The following PPP2R2B variants were observed in gnomAD, a reference collection of about 807,000 sequenced individuals.
PPP2R2B encodes serine/threonine-protein phosphatase 2A 55 kDa regulatory subunit B beta isoform.
Under a neutral mutation model 46.0 loss-of-function variants are expected in PPP2R2B, and 5 were observed. That is an observed-to-expected ratio of 0.11 (90% CI 0.06 to 0.23). The LOEUF is 0.23. Among genes scored for constraint, PPP2R2B ranks in the 10% least tolerant of loss-of-function variants. The pLI is 1.00. For synonymous variants in PPP2R2B, 215 were observed against 206.7 expected (o/e 1.04, Z -0.34); for missense variants, 367 against 575.0 (o/e 0.64, Z 3.70).
At chr5:146,914,586 C>A (rs534089797) in intron 1 of PPP2R2B, among the ~76,000 whole-genome samples, 3 of 152,120 alleles carry the variant, frequency 2.0e-5, no homozygotes, top group Admixed American at 2.0e-4. Flanking sequence ...AATCTGGGAA[C>A]CAATTAGGCA....
At chr5:146,940,787 G>T (rs1439065539) in intron 1 of PPP2R2B, among the ~76,000 whole-genome samples, 29 of 152,086 alleles carry the variant, frequency 1.9e-4, no homozygotes, top group Admixed American at 1.9e-3. Context: ...AGTTGTCTGT[G>T]TTCCACTGAA....
intron 2 of PPP2R2B, chr5:146,707,404 T>C: frequency 1.3e-6 from 1 of 781,110 alleles, no homozygotes. Context: ...CAGCAGGCTC[T>C]GGTTGACTGG....
At chr5:147,056,967 G>C (rs1196507541), upstream of PPP2R2B, among the ~76,000 whole-genome samples, 1 of 152,162 alleles carries the variant, frequency 6.6e-6, no homozygotes, top group East Asian at 1.9e-4. Flanking sequence ...GTCCATAAAA[G>C]AAAACCAACA....
At chr5:147,025,294 A>C (rs2151887796) in intron 1 of PPP2R2B, among the ~76,000 whole-genome samples, 1 of 152,146 alleles carries the variant, frequency 6.6e-6, no homozygotes, top group African/African-American at 2.4e-5. Flanking sequence ...AATCATCCCC[A>C]AAATGTGGAT....
At chr5:146,831,891 C>T (rs531224320) in intron 2 of PPP2R2B, among the ~76,000 whole-genome samples, 1 of 152,284 alleles carries the variant, frequency 6.6e-6, no homozygotes, top group African/African-American at 2.4e-5. Flanking sequence ...CATCTTATTG[C>T]CTTTGAAGGC....
intron 2 of PPP2R2B, among the ~76,000 whole-genome samples, chr5:146,818,874 A>G (rs1439987254): frequency 2.0e-5 from 3 of 152,172 alleles, no homozygotes; most frequent in Admixed American, 6.6e-5. Context: ...TGACTCCCCG[A>G]TGTAAAGATA....
chr5:146,687,244 C>G (rs1228374313), intron 5 of PPP2R2B, among the ~76,000 whole-genome samples: 1 of 152,100 alleles, frequency 6.6e-6, no homozygotes, highest in African/African-American at 2.4e-5. Flanking sequence ...TAGTCCCAGT[C>G]CTGGAATAAC....
At chr5:146,709,382 C>T (rs918591142) in intron 2 of PPP2R2B, among the ~76,000 whole-genome samples, 11 of 152,190 alleles carry the variant, frequency 7.2e-5, no homozygotes, top group Non-Finnish European at 8.8e-5. Context: ...TACTCCTACT[C>T]AGAATCTTTC....
At chr5:146,780,922 T>G (rs1018406590) in intron 2 of PPP2R2B, among the ~76,000 whole-genome samples, 4 of 151,884 alleles carry the variant, frequency 2.6e-5, no homozygotes, top group African/African-American at 9.7e-5. Flanking sequence ...TAGAACTGCA[T>G]AGAAGTAGAA....
intron 5 of PPP2R2B, among the ~76,000 whole-genome samples, chr5:146,672,538 A>G (rs904583036): frequency 1.3e-5 from 2 of 152,156 alleles, no homozygotes; most frequent in Admixed American, 6.6e-5. Context: ...AGACACATAA[A>G]GGGTAAGCAG....
chr5:146,756,700 A>AT (rs1482793048), intron 2 of PPP2R2B, among the ~76,000 whole-genome samples: 2 of 152,272 alleles, frequency 1.3e-5, no homozygotes, highest in East Asian at 3.8e-4. Flanking sequence ...TAGTACCAGC[A>AT]TCACATGGTT....
At chr5:146,675,580 T>C (rs917613376) in intron 5 of PPP2R2B, among the ~76,000 whole-genome samples, 2 of 152,202 alleles carry the variant, frequency 1.3e-5, no homozygotes, top group Non-Finnish European at 2.9e-5. Context: ...ATATTAAGCA[T>C]GCTCCCTGTT....
chr5:147,048,229 T>C (rs1287320267), intron 1 of PPP2R2B, among the ~76,000 whole-genome samples: 1 of 152,148 alleles, frequency 6.6e-6, no homozygotes, highest in African/African-American at 2.4e-5. Flanking sequence ...CTAAGAACAA[T>C]GCCTGAAATG....
chr5:146,880,736 G>A (rs1380674705), upstream of PPP2R2B, among the ~76,000 whole-genome samples: 2 of 152,180 alleles, frequency 1.3e-5, no homozygotes, highest in East Asian at 1.9e-4. Flanking sequence ...AACCAATGGG[G>A]AGAATGTCCC....
chr5:146,754,297 G>A (rs1437330428), intron 2 of PPP2R2B, among the ~76,000 whole-genome samples: 1 of 152,156 alleles, frequency 6.6e-6, no homozygotes, highest in Non-Finnish European at 1.5e-5. Flanking sequence ...TGTGTCATCT[G>A]CAGAAGTGAA....
chr5:146,644,844 A>G (rs1344193204), intron 6 of PPP2R2B, among the ~76,000 whole-genome samples: 1 of 152,190 alleles, frequency 6.6e-6, no homozygotes, highest in Non-Finnish European at 1.5e-5. Flanking sequence ...ATATTTCTCC[A>G]AGGATAGGGT....
Position 146,967,402 on chromosome 5 carries a change from T to A in PPP2R2B, c.79+88263A>T, listed in dbSNP as rs189074977. ...GCAGGGTTCAAATGATCTCATTTAA[T>A]CCTTATAACAGCCCTGTAAAATAGG... is the stretch of plus-strand genomic sequence containing the variant. On this transcript the variant is annotated intron_variant, in intron 1 of 8. Coordinates refer to the PPP2R2B transcript ENST00000336640. Among the ~76,000 whole-genome samples the A allele has an allele frequency of 5.3e-3, 809 of 152,332 alleles. 10 individuals are homozygous for A. The highest frequency in any genetic ancestry group is 0.019 in the African/African-American group (784 of 41,574).
At position 146,669,355 on chromosome 5, in the gene PPP2R2B, A is replaced by G. The variant is rs34531884; in HGVS notation, c.448-18631T>C. Among the ~76,000 whole-genome samples, 634 of 152,184 alleles carry G rather than the reference A, an allele frequency of 4.2e-3. 5 individuals carry two copies. Among genetic ancestry groups the G allele is most frequent in the African/African-American group, 0.014 (570 of 41,530 alleles). ...GTTAATCTGCTCTTTCTTCAGACCA[A>G]TGGTCTGGGTGGATCTCATCTCTGA... is the stretch of plus-strand genomic sequence containing the variant. On this transcript the variant is annotated intron_variant, in intron 5 of 9. Transcript: ENST00000394411.
chr5:146,992,386 C>T (rs1039327531), intron 1 of PPP2R2B, among the ~76,000 whole-genome samples: 4 of 152,216 alleles, frequency 2.6e-5, no homozygotes, highest in Non-Finnish European at 4.4e-5. Flanking sequence ...TGTAGAGCCA[C>T]TTCCTTCTGG....
Sources: gnomAD v4.1 joint callset for allele counts (sites outside exome capture counted in the v4.1 genomes callset) on GRCh38, gnomAD v4.1.1 for gene constraint, MANE v1.5 for transcripts, NCBI Gene and HGNC (gene_info 2026-07-23, HGNC 2026-07-21) for gene names.